The following LRP11 variants were observed in gnomAD, a reference collection of about 807,000 sequenced individuals.
LRP11 encodes the protein low-density lipoprotein receptor-related protein 11.
In LRP11, 25 loss-of-function variants were observed where a neutral mutation model predicts 43.1. That is an observed-to-expected ratio of 0.58 (90% CI 0.42 to 0.81). The LOEUF (loss-of-function observed/expected upper bound fraction) is 0.81, where lower values mean the gene tolerates loss of function less well. Among genes scored for constraint, LRP11 ranks in the 30% least tolerant of loss-of-function variants. LRP11 has a pLI of 0.00. For synonymous variants in LRP11, 316 were observed against 299.4 expected, an observed-to-expected ratio of 1.06 and a Z score of -0.57; for missense variants, 623 against 665.1, an observed-to-expected ratio of 0.94 and a Z score of 0.70.
chr6:149,846,961 TAGAATAGAATAG>T (rs1562443320), intron 2 of LRP11, among the ~76,000 whole-genome samples: 23 of 123,218 alleles, frequency 1.9e-4, no homozygotes, highest in African/African-American at 5.9e-4. Context: ...AATAATAGAA[TAGAATAGAATAG>T]AATAGAATAG....
At chr6:149,821,919 A>G (rs1440413700) in intron 6 of LRP11, among the ~76,000 whole-genome samples, 2 of 152,206 alleles carry the variant, frequency 1.3e-5, no homozygotes, top group African/African-American at 4.8e-5. Context: ...TTTGTAAATA[A>G]ATACCACCCC....
In LRP11 at chr6:149,827,352, T is replaced by C. The variant is rs950335620; in HGVS notation, c.1253-993A>G. Among the ~76,000 whole-genome samples, 10 of 152,252 alleles carry C rather than the reference T, an allele frequency of 6.6e-5. No homozygotes were observed. The highest frequency in any genetic ancestry group is 2.4e-4 in the African/African-American group (10 of 41,458). ...AAAATTTTTAAAGCTTCTTTACTCATATGGCATCAACATAAATGTTCCTAA... is the reference window on the plus strand; with the variant it reads ...AAAATTTTTAAAGCTTCTTTACTCACATGGCATCAACATAAATGTTCCTAA... On this transcript the variant is annotated intron_variant, in intron 5 of 6. Transcript: ENST00000239367. The surrounding 1 kb of genome is among the most constrained non-coding windows in gnomAD (Gnocchi z 4.2).
At position 149,863,706 on chromosome 6, in the gene LRP11, G is replaced by T; in HGVS notation, c.315C>A (p.Ile105=). The T allele has an allele frequency of 6.7e-7, 1 of 1,482,284 alleles. No homozygotes were observed. The highest frequency in any genetic ancestry group is 8.9e-7 in the Non-Finnish European group (1 of 1,123,398). The allele number at this position is 1,482,284 out of a possible 1,614,324, so 91.8% of individuals were successfully genotyped here. The change falls in exon 1 of 7, where the codon ATC becomes ATA. Residue 105 remains isoleucine (I), a synonymous_variant. Coordinates refer to ENST00000239367, the MANE Select transcript of LRP11 (RefSeq NM_032832.6). The part of the protein sequence containing the change: ...GGYSAMPDAI[I]RTKDSLAAGA... Reference sequence around the variant, plus strand: ...CCGCCGCCAGGGAGTCCTTGGTGCGGATGATGGCGTCAGGCATTGCGCTGT... The same window carrying T: ...CCGCCGCCAGGGAGTCCTTGGTGCGTATGATGGCGTCAGGCATTGCGCTGT...
intron 4 of LRP11, 63 bp from the exon 5 acceptor site, chr6:149,836,360 CACT>C: frequency 7.3e-7 from 1 of 1,375,114 alleles, no homozygotes; most frequent in Non-Finnish European, 1.0e-6. Flanking sequence ...ATACTAAAAA[CACT>C]ACATCTGCAG....
At chr6:149,837,220 G>A (rs1171746490) in intron 4 of LRP11, 118 bp downstream of exon 4, 3 of 1,130,734 alleles carry the variant, frequency 2.7e-6, no homozygotes, top group Middle Eastern at 3.1e-4. Context: ...TACATGTAAA[G>A]TTATAACTAA....
intron 6 of LRP11, among the ~76,000 whole-genome samples, chr6:149,821,784 G>T (rs1313280746): frequency 6.6e-6 from 1 of 152,188 alleles, no homozygotes; most frequent in African/African-American, 2.4e-5. Context: ...AGAACTAGAG[G>T]AGAAACATCT....
intron 2 of LRP11, among the ~76,000 whole-genome samples, chr6:149,851,580 G>A (rs188182737): frequency 2.1e-4 from 32 of 152,266 alleles, no homozygotes; most frequent in African/African-American, 7.5e-4. Flanking sequence ...TTTTCCAAAG[G>A]GAAGACCCAA....
rs1279455534 is a variant in LRP11, at chr6:149,843,272, T to C, written c.772-148A>G. On this transcript the variant is annotated intron_variant, in intron 2 of 6. Transcript: ENST00000239367. ...GAGGCTGCTGAACTACATCACACAC[T>C]GTTGGCAGCTGGCCCACCTTGAACT... is the stretch of plus-strand genomic sequence containing the variant. 5.1e-6 allele frequency: 4 copies of C among 780,306 alleles called. No individual in the cohort carries two copies. In the Admixed American group the frequency reaches 1.0e-4, roughly 20 times the overall value. 48.3% of individuals were successfully genotyped at this position (780,306 alleles called of 1,614,324 possible).
chr6:149,857,818 G>A lies in LRP11; in HGVS notation c.614-4658C>T, dbSNP rs555821268. ...ACTCTTTCTCTATTGCAATTCCCCT[G>A]TCTTGATAAATCAGCTCTGTGTAGG... On this transcript the variant is annotated intron_variant, in intron 1 of 6. Coordinates refer to ENST00000239367, the MANE Select transcript of LRP11 (RefSeq NM_032832.6). Among the ~76,000 whole-genome samples the A allele has an allele frequency of 3.9e-5, 6 of 152,240 alleles. No homozygotes were observed. In the East Asian group the frequency reaches 1.2e-3, roughly 29 times the overall value.
intron 1 of LRP11, among the ~76,000 whole-genome samples, chr6:149,859,054 G>A (rs1309697591): frequency 6.6e-6 from 1 of 151,820 alleles, no homozygotes; most frequent in Non-Finnish European, 1.5e-5. Context: ...GTTCTCTTCA[G>A]CATGGTTCCT....
chr6:149,863,631 G>A lies in LRP11; in HGVS notation c.390C>T (p.Cys130=), dbSNP rs1419252759. ...APAAVRGWRQ[C]VAACCSEPRC... ...GCGGCTCGGAGCAGCAGGCCGCCAC[G>A]CATTGCCGCCAGCCCCGCACGGCCG... Residue 130 remains cysteine, a synonymous_variant, in exon 1 of 7, where the codon TGC becomes TGT. Transcript: ENST00000239367. The A allele has an allele frequency of 2.0e-6, 3 of 1,469,164 alleles. No individual in the cohort carries two copies. The South Asian group carries it at 3.9e-5, about 19-fold the overall frequency. The allele number at this position is 1,469,164 out of a possible 1,614,324, so 91.0% of individuals were successfully genotyped here.
chr6:149,831,739 G>T (rs1331082011), intron 5 of LRP11, among the ~76,000 whole-genome samples: 1 of 152,228 alleles, frequency 6.6e-6, no homozygotes, highest in Non-Finnish European at 1.5e-5. Flanking sequence ...TGGGATTACA[G>T]CTCACTGCAG....
chr6:149,849,422 A>G (rs1433584346), intron 2 of LRP11, among the ~76,000 whole-genome samples: 3 of 152,230 alleles, frequency 2.0e-5, no homozygotes. Flanking sequence ...TCCAGTGGAT[A>G]GCCTCTTGGT....
At chr6:149,840,324 C>A (rs770774353) in intron 3 of LRP11, among the ~76,000 whole-genome samples, 1 of 152,186 alleles carries the variant, frequency 6.6e-6, no homozygotes, top group African/African-American at 2.4e-5. Context: ...TGATTCTAGA[C>A]AGCAGTTAGT....
intron 1 of LRP11, among the ~76,000 whole-genome samples, chr6:149,859,284 G>A (rs150047496): frequency 1.4e-3 from 206 of 149,558 alleles, no homozygotes; most frequent in African/African-American, 5.0e-3. Flanking sequence ...TTCTAAGGTC[G>A]AACATTTTTC....
chr6:149,847,356 C>T (rs930197365), intron 2 of LRP11, among the ~76,000 whole-genome samples: 1 of 152,206 alleles, frequency 6.6e-6, no homozygotes, highest in African/African-American at 2.4e-5. Context: ...CTCCTGAGCA[C>T]ACTCCAGTTT....
chr6:149,835,072 A>G (rs1201073841), intron 5 of LRP11, among the ~76,000 whole-genome samples: 3 of 152,210 alleles, frequency 2.0e-5, no homozygotes, highest in African/African-American at 4.8e-5. Context: ...AAATGTGATA[A>G]TCTCTATTTC....
intron 6 of LRP11, 44 bp downstream of exon 6, chr6:149,826,220 G>C: frequency 2.1e-6 from 3 of 1,423,378 alleles, no homozygotes; most frequent in Non-Finnish European, 3.0e-6. Context: ...ATGCAGTTCT[G>C]AGAAGACTAC....
rs190687968 is a variant in LRP11 at position 149,824,375 on chromosome 6, A to T, written c.1348+1889T>A. Among the ~76,000 whole-genome samples, 3 of 152,354 alleles carry T rather than the reference A, an allele frequency of 2.0e-5. No homozygotes were observed. In the East Asian group the frequency reaches 5.8e-4, roughly 29 times the overall value. ...TAATGCTTTTATGACAAGGAAAATG[A>T]AATCTCCCAAAAGTACTTGCCAGAA... is the stretch of plus-strand genomic sequence containing the variant. On this transcript the variant is annotated intron_variant, in intron 6 of 6. Transcript: ENST00000239367.
Sources: allele counts gnomAD v4.1 joint callset (sites outside exome capture counted in the v4.1 genomes callset), GRCh38; gene constraint gnomAD v4.1.1; non-coding constraint Gnocchi (gnomAD v3.1); transcripts MANE v1.5; gene names NCBI Gene and HGNC (gene_info 2026-07-23, HGNC 2026-07-21).